ZNF646: variants seen among roughly 807,000 people sequenced by gnomAD.
ZNF646 encodes zinc finger protein 646.
Under a neutral mutation model 115.4 loss-of-function variants are expected in ZNF646, and 49 were observed. The observed-to-expected ratio is 0.42, with a 90% CI of 0.34 to 0.54. The LOEUF is 0.54. Ranked by LOEUF, ZNF646 falls within the 20% of genes least tolerant of loss-of-function variation. The probability of loss-of-function intolerance (pLI) is 0.04; values close to 1 mark genes in which losing one functional copy is unlikely to be tolerated. For synonymous variants in ZNF646, 933 were observed against 939.0 expected, an observed-to-expected ratio of 0.99 and a Z score of 0.12; for missense variants, 2,269 against 2,457.9, an observed-to-expected ratio of 0.92 and a Z score of 1.62.
chr16:31,081,232 T>TCA lies in ZNF646; in HGVS notation c.4908_4909insCA (p.Gly1637GlnfsTer30). Reference sequence around the variant, plus strand: ...CTGGGGAGGACCAGGTGGTTCTCCCTGGTCAAGGGAAAGCCCAGGAGGCCC... The same window carrying TCA: ...CTGGGGAGGACCAGGTGGTTCTCCCTCAGGTCAAGGGAAAGCCCAGGAGGCCC... On this transcript the variant is annotated frameshift_variant, in exon 2 of 3. Coordinates refer to ENST00000300850, the MANE Select transcript of ZNF646 (RefSeq NM_014699.4). LOFTEE classifies it high-confidence loss of function. 1 of 1,591,440 alleles carries TCA rather than the reference T, an allele frequency of 6.3e-7. No individual in the cohort carries two copies. The highest frequency in any genetic ancestry group is 8.6e-7 in the Non-Finnish European group (1 of 1,167,328).
Position 31,078,201 on chromosome 16 carries a change from A to G in ZNF646, c.1877A>G (p.Tyr626Cys), listed in dbSNP as rs764712438. The G allele has an allele frequency of 5.6e-6, 9 of 1,614,110 alleles. No individual in the cohort carries two copies. Among genetic ancestry groups the G allele is most frequent in the South Asian group, 1.1e-5 (1 of 91,084 alleles). The change falls in exon 2 of 3, where the codon TAT (tyrosine) becomes TGT (cysteine). Residue 626 changes from tyrosine (Y) to cysteine (C), a missense_variant. Around this residue, in one of 5 missense-constraint regions of ZNF646, gnomAD observed 852 missense variants for 900.2 expected, o/e 0.95. Transcript: ENST00000300850. ...AFACRDCGKS[Y>C]RHSGSLINHR... ...GCCTGCCGAGACTGTGGAAAGAGCTATCGCCACTCAGGCAGCCTTATCAAC... is the reference window on the plus strand; with the variant it reads ...GCCTGCCGAGACTGTGGAAAGAGCTGTCGCCACTCAGGCAGCCTTATCAAC...
At chr16:31,082,340 C>T (rs1895750925) in intron 2 of ZNF646, 1 of 174,018 alleles carries the variant, frequency 5.7e-6, no homozygotes, top group Non-Finnish European at 1.4e-5. Flanking sequence ...TTATTCAGCC[C>T]CTTTTCCCTC....
Position 31,079,088 on chromosome 16 carries a change from G to A in ZNF646, c.2764G>A (p.Val922Met). The change falls in exon 2 of 3, where the codon GTG becomes ATG. Residue 922 changes from valine (V) to methionine (M), a missense_variant. Physicochemically the swap from Val to Met is conservative, Grantham distance 21. Around this residue, in one of 5 missense-constraint regions of ZNF646, gnomAD observed 852 missense variants for 900.2 expected, o/e 0.95. Transcript: ENST00000300850. The surrounding 1 kb of genome is among the most constrained non-coding windows in gnomAD (Gnocchi z 5.5). ...GSEEEGEEEG[V>M]AEAAPARSPP... Reference sequence around the variant, plus strand: ...AGAGGAGGAGGGGGAAGAGGAAGGAGTGGCAGAGGCAGCCCCTGCACGCAG... The same window carrying A: ...AGAGGAGGAGGGGGAAGAGGAAGGAATGGCAGAGGCAGCCCCTGCACGCAG... 1 of 1,576,378 alleles carries A rather than the reference G, an allele frequency of 6.3e-7. No individual in the cohort carries two copies. The highest frequency in any genetic ancestry group is 8.6e-7 in the Non-Finnish European group (1 of 1,157,818).
In ZNF646 at chr16:31,081,351, C is replaced by T. The variant is rs769811362; in HGVS notation, c.5027C>T (p.Pro1676Leu). 3.7e-6 allele frequency: 6 copies of T among 1,613,834 alleles called. No individual in the cohort carries two copies. The Admixed American group carries it at 6.7e-5, about 18-fold the overall frequency. ...ATGGCGGCTGAGGACAAGGAGCGGC[C>T]CTTCCGCTGCACCCAGTGCGGGCGC... The part of the protein sequence containing the change: ...TSMAAEDKER[P>L]FRCTQCGRSY... Residue 1676 changes from proline to leucine, a missense_variant, in exon 2 of 3, where the codon CCC becomes CTC. Transcript: ENST00000300850.
rs763514478 is a variant in ZNF646, at chr16:31,079,083, A to G, written c.2759A>G (p.Glu920Gly). The change falls in exon 2 of 3, where the codon GAA (glutamate) becomes GGA (glycine). Residue 920 changes from glutamate (E) to glycine (G), a missense_variant. By Grantham distance (98) the Glu-to-Gly change is moderately conservative. Transcript: ENST00000300850. The surrounding 1 kb of genome is among the most constrained non-coding windows in gnomAD (Gnocchi z 5.5). Reference protein sequence around the residue: ...TEGSEEEGEEEGVAEAAPARS... With the variant: ...TEGSEEEGEEGGVAEAAPARS... ...GGCTCAGAGGAGGAGGGGGAAGAGG[A>G]AGGAGTGGCAGAGGCAGCCCCTGCA... The G allele has an allele frequency of 6.3e-7, 1 of 1,576,156 alleles. No homozygotes were observed. Among genetic ancestry groups the G allele is most frequent in the Admixed American group, 1.7e-5 (1 of 57,962 alleles).
chr16:31,079,099 A>AGCCCCTGCACGCAGTCC lies in ZNF646; in HGVS notation c.2776_2792dup (p.Gln934HisfsTer14). 1 of 1,580,448 alleles carries AGCCCCTGCACGCAGTCC rather than the reference A, an allele frequency of 6.3e-7. No homozygotes were observed. Among genetic ancestry groups the AGCCCCTGCACGCAGTCC allele is most frequent in the Non-Finnish European group, 8.6e-7 (1 of 1,160,066 alleles). ...GGGAAGAGGAAGGAGTGGCAGAGGCAGCCCCTGCACGCAGTCCACCACTGC... is the reference window on the plus strand; with the variant it reads ...GGGAAGAGGAAGGAGTGGCAGAGGCAGCCCCTGCACGCAGTCCGCCCCTGCACGCAGTCCACCACTGC... On this transcript the variant is annotated frameshift_variant, in exon 2 of 3. Transcript: ENST00000300850. LOFTEE classifies it high-confidence loss of function. The surrounding 1 kb of genome is among the most constrained non-coding windows in gnomAD (Gnocchi z 5.5).
rs1214803667 is a variant in ZNF646, at chr16:31,077,853, A to G, written c.1529A>G (p.His510Arg). The G allele has an allele frequency of 6.2e-7, 1 of 1,613,732 alleles. No homozygotes were observed. ...CCCAATCTCATGGCCCTGCGCAACC[A>G]CGTGCGGGTACATTGCAAGGCTGCT... ...KYPNLMALRN[H>R]VRVHCKAARR... The change falls in exon 2 of 3, where the codon CAC (histidine) becomes CGC (arginine). Residue 510 changes from histidine to arginine, a missense_variant. Physicochemically the swap from His to Arg is conservative, Grantham distance 29. Around this residue, in one of 5 missense-constraint regions of ZNF646, gnomAD observed 852 missense variants for 900.2 expected, o/e 0.95. Transcript: ENST00000300850.
chr16:31,077,848 C>T lies in ZNF646; in HGVS notation c.1524C>T (p.Arg508=), dbSNP rs1256522802. 3 of 1,613,790 alleles carry T rather than the reference C, an allele frequency of 1.9e-6. No individual in the cohort carries two copies. The part of the protein sequence containing the change: ...PRKYPNLMAL[R]NHVRVHCKAA... ...AGTACCCCAATCTCATGGCCCTGCG[C>T]AACCACGTGCGGGTACATTGCAAGG... is the stretch of plus-strand genomic sequence containing the variant. The change falls in exon 2 of 3, where the codon CGC becomes CGT. Residue 508 remains arginine (R), a synonymous_variant. Coordinates refer to ENST00000300850, the MANE Select transcript of ZNF646 (RefSeq NM_014699.4).
intron 1 of ZNF646, 156 bp from the exon 2 acceptor site, chr16:31,076,090 A>G (rs992857507): frequency 4.1e-6 from 2 of 490,308 alleles, no homozygotes; most frequent in Non-Finnish European, 7.0e-6. Context: ...GAAGCCTTAA[A>G]TGATGGTGCC....
At position 31,077,325 on chromosome 16, in the gene ZNF646, A is replaced by T; in HGVS notation, c.1001A>T (p.Asn334Ile). ...RWEEKGMPTT[N>I]GHTDESSQDQ... is the part of the protein sequence containing the mutation. ...GAGGAGAAAGGGATGCCCACCACCA[A>T]TGGGCACACAGATGAGAGCAGCCAG... The change falls in exon 2 of 3, where the codon AAT becomes ATT. Residue 334 changes from asparagine to isoleucine, a missense_variant. Physicochemically the swap from Asn to Ile is moderately radical, Grantham distance 149 (BLOSUM62 -3). Around this residue, in one of 5 missense-constraint regions of ZNF646, gnomAD observed 852 missense variants for 900.2 expected, o/e 0.95. Transcript: ENST00000300850. 6.2e-7 allele frequency: 1 copy of T among 1,613,438 alleles called. No homozygotes were observed. Among genetic ancestry groups the T allele is most frequent in the Non-Finnish European group, 8.5e-7 (1 of 1,179,768 alleles).
chr16:31,081,302 A>G lies in ZNF646; in HGVS notation c.4978A>G (p.Arg1660Gly), dbSNP rs1401289062. 1.2e-6 allele frequency: 2 copies of G among 1,613,752 alleles called. No homozygotes were observed. Among genetic ancestry groups the G allele is most frequent in the Admixed American group, 3.3e-5 (2 of 59,972 alleles). The change falls in exon 2 of 3, where the codon AGG (arginine) becomes GGG (glycine). Residue 1660 changes from arginine to glycine, a missense_variant. By Grantham distance (125) the Arg-to-Gly change is moderately radical. Coordinates refer to ENST00000300850, the MANE Select transcript of ZNF646 (RefSeq NM_014699.4). ...RGPGESVERA[R>G]GGQAVTSMAA... Reference sequence around the variant, plus strand: ...CCCAGGAGAGAGTGTGGAGAGAGCCAGGGGAGGACAAGCGGTGACGTCCAT... The same window carrying G: ...CCCAGGAGAGAGTGTGGAGAGAGCCGGGGGAGGACAAGCGGTGACGTCCAT...
In ZNF646 at chr16:31,083,637, C is replaced by T. The variant is rs1326562984; in HGVS notation, c.*545C>T. On this transcript the variant is annotated 3_prime_UTR_variant, in exon 3 of 3. Transcript: ENST00000300850. The stretch of plus-strand genomic sequence containing the variant: ...TGTCCTGCAGGGTGGGGAGTGGGCA[C>T]CTGTGGCCCCAGGCAGGTTCCTTCC... The T allele has an allele frequency of 2.6e-6, 4 of 1,522,214 alleles. No homozygotes were observed. Among genetic ancestry groups the T allele is most frequent in the Admixed American group, 2.0e-5 (1 of 49,872 alleles). The allele number at this position is 1,522,214 out of a possible 1,614,324, so 94.3% of individuals were successfully genotyped here.
Position 31,083,413 on chromosome 16 carries a change from C to A in ZNF646, c.*321C>A. On this transcript the variant is annotated 3_prime_UTR_variant, in exon 3 of 3. Coordinates refer to ENST00000300850, the MANE Select transcript of ZNF646 (RefSeq NM_014699.4). ...GCCTGTGGAAGGGAGCCTTTTGCTA[C>A]AATTTGTAACTTATTTTCTAAAGTC... 7.9e-7 allele frequency: 1 copy of A among 1,267,368 alleles called. No homozygotes were observed. 78.5% of individuals were successfully genotyped at this position (1,267,368 alleles called of 1,614,324 possible).
At position 31,077,714 on chromosome 16, in the gene ZNF646, C is replaced by G; in HGVS notation, c.1390C>G (p.Pro464Ala). ...EDPTTTLDHR[P>A]YKCSECGRAY... ...CCCCACCACCACCCTGGACCATCGG[C>G]CCTATAAGTGCAGTGAGTGTGGTCG... Residue 464 changes from proline (P) to alanine (A), a missense_variant, in exon 2 of 3, where the codon CCC (proline) becomes GCC (alanine). Physicochemically the swap from Pro to Ala is conservative, Grantham distance 27. Around this residue, in one of 5 missense-constraint regions of ZNF646, gnomAD observed 852 missense variants for 900.2 expected, o/e 0.95. Coordinates refer to ENST00000300850, the MANE Select transcript of ZNF646 (RefSeq NM_014699.4). 1 of 1,614,072 alleles carries G rather than the reference C, an allele frequency of 6.2e-7. No individual in the cohort carries two copies. The highest frequency in any genetic ancestry group is 8.5e-7 in the Non-Finnish European group (1 of 1,180,010).
At chr16:31,082,737 C>T (rs1596781808) in intron 2 of ZNF646, 3 of 549,798 alleles carry the variant, frequency 5.5e-6, no homozygotes, top group East Asian at 7.3e-5. Flanking sequence ...AGGTGGGAGT[C>T]ACCTGAAAGC....
At position 31,077,552 on chromosome 16, in the gene ZNF646, CTGT is replaced by C; in HGVS notation, c.1230_1232del (p.Phe411del). The C allele has an allele frequency of 6.2e-7, 1 of 1,613,120 alleles. No homozygotes were observed. ...CCCCTGCTCACTCTGTTCTAAGCAG[CTGT>C]TCAATGCGGCTGCCCTCAAAAACCA... On this transcript the variant is annotated inframe_deletion, in exon 2 of 3. Transcript: ENST00000300850.
At position 31,083,245 on chromosome 16, in the gene ZNF646, G is replaced by A; in HGVS notation, c.*153G>A. ...CAGATCTGGCTTCTTTCCCAAGGAG[G>A]GGGTGGGGTGTTCCTCGCGTCCCTG... On this transcript the variant is annotated 3_prime_UTR_variant, in exon 3 of 3. Transcript: ENST00000300850. 2 of 1,223,098 alleles carry A rather than the reference G, an allele frequency of 1.6e-6. No homozygotes were observed. The highest frequency in any genetic ancestry group is 3.3e-5 in the South Asian group (2 of 59,858). 75.8% of individuals were successfully genotyped at this position (1,223,098 alleles called of 1,614,324 possible).
At position 31,080,367 on chromosome 16, in the gene ZNF646, A is replaced by C; in HGVS notation, c.4043A>C (p.His1348Pro). The C allele has an allele frequency of 6.2e-7, 1 of 1,613,488 alleles. No individual in the cohort carries two copies. Among genetic ancestry groups the C allele is most frequent in the Non-Finnish European group, 8.5e-7 (1 of 1,179,888 alleles). The change falls in exon 2 of 3, where the codon CAC becomes CCC. Residue 1348 changes from histidine (H) to proline (P), a missense_variant. Transcript: ENST00000300850. ...GCCCTGAAGGACCACCAGAGGCTGCACTCAGAGAATCGGCGGCGACGGGCT... is the reference window on the plus strand; with the variant it reads ...GCCCTGAAGGACCACCAGAGGCTGCCCTCAGAGAATCGGCGGCGACGGGCT... ...RMALKDHQRL[H>P]SENRRRRAGR...
In ZNF646 at chr16:31,083,138, AG is replaced by A. The variant is rs2057187548; in HGVS notation, c.*49del. 3 of 1,581,408 alleles carry A rather than the reference AG, an allele frequency of 1.9e-6. No homozygotes were observed. The highest frequency in any genetic ancestry group is 3.7e-4 in the Middle Eastern group (2 of 5,376). On this transcript the variant is annotated 3_prime_UTR_variant, in exon 3 of 3. Transcript: ENST00000300850. Reference sequence around the variant, plus strand: ...AGAATCTGGGGGAGGGAGCGCGTGCAGGGAGGGGCTTGATCTCCACATTTTC... The same window carrying A: ...AGAATCTGGGGGAGGGAGCGCGTGCAGGAGGGGCTTGATCTCCACATTTTC...
Sources: allele counts gnomAD v4.1 joint callset, GRCh38; gene constraint gnomAD v4.1.1; regional missense constraint gnomAD v4.1.1; non-coding constraint Gnocchi (gnomAD v3.1); transcripts MANE v1.5; gene names NCBI Gene and HGNC (gene_info 2026-07-23, HGNC 2026-07-21).